ATP13A5: variants seen among roughly 807,000 people sequenced by gnomAD.
ATP13A5 encodes the protein ATPase 13A5, also known as probable cation-transporting ATPase 13A5.
In ATP13A5, 149 loss-of-function variants were observed where a neutral mutation model predicts 150.2. That is an observed-to-expected ratio of 0.99 (90% confidence interval 0.87 to 1.14). ATP13A5 has a LOEUF of 1.14. Among genes scored for constraint, ATP13A5 ranks in the 50% most tolerant of loss-of-function variants. ATP13A5 has a pLI of 0.00. For missense variants in ATP13A5, 1,383 were observed against 1,449.3 expected (o/e 0.95, Z 0.74); for synonymous variants, 497 against 522.2 (o/e 0.95, Z 0.66).
chr3:193,333,184 C>T (rs948361928), intron 11 of ATP13A5, among the ~76,000 whole-genome samples: 1 of 151,890 alleles, frequency 6.6e-6, no homozygotes. Context: ...CACACACACA[C>T]ACACACACAC....
intron 20 of ATP13A5, among the ~76,000 whole-genome samples, chr3:193,311,161 C>G (rs1423537972): frequency 6.6e-6 from 1 of 152,196 alleles, no homozygotes; most frequent in Non-Finnish European, 1.5e-5. Context: ...AGATTAATAT[C>G]TCTGAGTCTC....
chr3:193,371,415 G>A (rs1053210195), intron 1 of ATP13A5, among the ~76,000 whole-genome samples: 3 of 152,222 alleles, frequency 2.0e-5, no homozygotes, highest in Non-Finnish European at 2.9e-5. Flanking sequence ...AGCAAACTCA[G>A]TGTCTTAATA....
intron 17 of ATP13A5, among the ~76,000 whole-genome samples, chr3:193,318,351 C>T (rs1719129450): frequency 6.6e-6 from 1 of 152,108 alleles, no homozygotes; most frequent in Non-Finnish European, 1.5e-5. Flanking sequence ...TTTTTTACTC[C>T]TTTGTCATAG....
At chr3:193,345,423 T>G (rs1043207855) in intron 7 of ATP13A5, among the ~76,000 whole-genome samples, 1 of 152,134 alleles carries the variant, frequency 6.6e-6, no homozygotes, top group Non-Finnish European at 1.5e-5. Context: ...GATTCGCATA[T>G]CAGGCAGCCA....
intron 5 of ATP13A5, among the ~76,000 whole-genome samples, chr3:193,356,315 C>A (rs1297235619): frequency 1.3e-5 from 2 of 151,892 alleles, no homozygotes; most frequent in African/African-American, 4.8e-5. Context: ...ATAATGTAAG[C>A]TTCCAGAGGA....
chr3:193,311,764 C>G lies in ATP13A5; in HGVS notation c.2445+52G>C. ...GTTTTCAATACTCTCCTCCTCCTTT[C>G]GCCTCGCTGATTTGAGGAGCAAAAC... is the stretch of plus-strand genomic sequence containing the variant. On this transcript the variant is annotated intron_variant, in intron 20 of 29. Coordinates refer to ENST00000342358, the MANE Select transcript of ATP13A5 (RefSeq NM_198505.4). 9 of 1,602,544 alleles carry G rather than the reference C, an allele frequency of 5.6e-6. No individual in the cohort carries two copies. In the South Asian group the frequency reaches 1.0e-4, roughly 18 times the overall value.
intron 13 of ATP13A5, among the ~76,000 whole-genome samples, chr3:193,325,457 A>AG (rs1719435988): frequency 6.6e-6 from 1 of 152,210 alleles, no homozygotes; most frequent in Non-Finnish European, 1.5e-5. Flanking sequence ...ATAGTTTCAG[A>AG]GGCTTTGGAT....
At chr3:193,299,086 A>T (rs761849578) in intron 25 of ATP13A5, 45 bp downstream of exon 25, 5 of 1,471,134 alleles carry the variant, frequency 3.4e-6, no homozygotes, top group Non-Finnish European at 4.6e-6. Context: ...CTAGAATTTC[A>T]TAGATAAATA....
intron 14 of ATP13A5, among the ~76,000 whole-genome samples, chr3:193,324,348 T>C (rs1230641817): frequency 1.3e-5 from 2 of 152,304 alleles, no homozygotes; most frequent in Admixed American, 6.5e-5. Flanking sequence ...TAAAATTAAA[T>C]CAGATTAAAA....
intron 1 of ATP13A5, among the ~76,000 whole-genome samples, chr3:193,374,971 C>T (rs1174498613): frequency 6.6e-6 from 1 of 152,126 alleles, no homozygotes; most frequent in Non-Finnish European, 1.5e-5. Flanking sequence ...AGAAGGCCCT[C>T]ACCAGGTGTG....
intron 27 of ATP13A5, among the ~76,000 whole-genome samples, chr3:193,282,373 A>T (rs1717538001): frequency 6.6e-6 from 1 of 151,842 alleles, no homozygotes; most frequent in African/African-American, 2.4e-5. Context: ...AATACAAAGG[A>T]TTAGTTTCTT....
At chr3:193,318,910 G>T in intron 17 of ATP13A5, 81 bp downstream of exon 17, 1 of 966,396 alleles carries the variant, frequency 1.0e-6, no homozygotes, top group Non-Finnish European at 1.7e-6. Context: ...CAGGTGATTA[G>T]AACTGTTCAT....
chr3:193,378,338 G>T (rs1318941286), intron 1 of ATP13A5, among the ~76,000 whole-genome samples: 1 of 152,146 alleles, frequency 6.6e-6, no homozygotes. Flanking sequence ...CCATCACATA[G>T]CAATCCAGAT....
intron 16 of ATP13A5, among the ~76,000 whole-genome samples, chr3:193,321,366 C>T (rs909257825): frequency 3.3e-5 from 5 of 152,162 alleles, no homozygotes; most frequent in Admixed American, 3.3e-4. Context: ...CGCGGTGGCT[C>T]ACACCTATAA....
chr3:193,328,409 C>T (rs1301639743), intron 12 of ATP13A5, among the ~76,000 whole-genome samples: 1 of 152,168 alleles, frequency 6.6e-6, no homozygotes, highest in East Asian at 1.9e-4. Context: ...AGGACTCCAC[C>T]ATGTTCGGTT....
chr3:193,288,960 T>C (rs539145179), intron 26 of ATP13A5, among the ~76,000 whole-genome samples: 1 of 152,116 alleles, frequency 6.6e-6, no homozygotes, highest in African/African-American at 2.4e-5. Context: ...AAAACTTGAG[T>C]TCTCTGAGTA....
intron 1 of ATP13A5, among the ~76,000 whole-genome samples, chr3:193,370,933 A>C (rs1713416971): frequency 6.6e-6 from 1 of 152,222 alleles, no homozygotes; most frequent in Admixed American, 6.5e-5. Flanking sequence ...AACCCAATAC[A>C]AAAGAGATGA....
intron 16 of ATP13A5, among the ~76,000 whole-genome samples, chr3:193,320,966 A>G (rs570303165): frequency 2.0e-5 from 3 of 152,134 alleles, no homozygotes; most frequent in South Asian, 2.1e-4. Context: ...TTTCTGTTCT[A>G]TATTCTTCTA....
At chr3:193,375,735 G>A (rs949412105) in intron 1 of ATP13A5, among the ~76,000 whole-genome samples, 1 of 152,174 alleles carries the variant, frequency 6.6e-6, no homozygotes, top group African/African-American at 2.4e-5. Context: ...CTACCAGGAT[G>A]AGAACAGGAG....
Sources: gnomAD v4.1 joint callset for allele counts (sites outside exome capture counted in the v4.1 genomes callset) on GRCh38, gnomAD v4.1.1 for gene constraint, MANE v1.5 for transcripts, NCBI Gene and HGNC (gene_info 2026-07-23, HGNC 2026-07-21) for gene names.